GLYATL3: variants seen among roughly 807,000 people sequenced by gnomAD.
GLYATL3 encodes the protein glycine N-acyltransferase-like protein 3.
In GLYATL3, 31 loss-of-function variants were observed where a neutral mutation model predicts 28.5. The observed-to-expected ratio is 1.09, with a 90% CI of 0.82 to 1.47. GLYATL3 has a LOEUF of 1.47. GLYATL3 is among the 40% of genes most tolerant of loss of function. The pLI is 0.00. For synonymous variants in GLYATL3, 141 were observed against 140.2 expected (o/e 1.01, Z -0.04); for missense variants, 369 against 351.5 (o/e 1.05, Z -0.40).
chr6:49,511,831 C>A, intron 1 of GLYATL3, 132 bp from the exon 2 acceptor site: 1 of 483,330 alleles, frequency 2.1e-6, no homozygotes, highest in South Asian at 4.4e-5. Context: ...CCCATCTTCC[C>A]TTTTCCCTCT....
chr6:49,515,936 CCTCTCTCCCTCCCTCTCTCTCTCT>C (rs1769208605), intron 3 of GLYATL3, among the ~76,000 whole-genome samples, 176 bp downstream of exon 3: 1 of 141,100 alleles, frequency 7.1e-6, no homozygotes, highest in Non-Finnish European at 1.6e-5. Flanking sequence ...CCCTCCCCTC[CCTCTCTCCCTCCCTCTCTCTCTCT>C]CTCTCATTCT....
At position 49,508,120 on chromosome 6, in the gene GLYATL3, C is replaced by A. The variant is rs186575433; in HGVS notation, c.-28-3843C>A. ...GACCATCCTGGCTAACATGGTGAAA[C>A]CCCGTCTCTACTAAAAATTTAAAAA... On this transcript the variant is annotated intron_variant, in intron 1 of 5. Coordinates refer to ENST00000371197, the MANE Select transcript of GLYATL3 (RefSeq NM_001010904.2). Among the ~76,000 whole-genome samples, 929 of 152,108 alleles carry A rather than the reference C, an allele frequency of 6.1e-3. 10 individuals carry two copies. The highest frequency in any genetic ancestry group is 0.017 in the Middle Eastern group (5 of 292).
intron 1 of GLYATL3, among the ~76,000 whole-genome samples, chr6:49,508,487 C>T (rs1298257302): frequency 6.6e-6 from 1 of 152,084 alleles, no homozygotes; most frequent in Non-Finnish European, 1.5e-5. Context: ...ATGCCTTAAC[C>T]CTAAAGAGGC....
chr6:49,500,382 A>G (rs914801753), intron 1 of GLYATL3, among the ~76,000 whole-genome samples: 1 of 152,150 alleles, frequency 6.6e-6, no homozygotes, highest in African/African-American at 2.4e-5. Flanking sequence ...AATTACTAGC[A>G]TTGGATTCCA....
At chr6:49,509,271 A>C (rs1769071002) in intron 1 of GLYATL3, among the ~76,000 whole-genome samples, 1 of 152,230 alleles carries the variant, frequency 6.6e-6, no homozygotes, top group Non-Finnish European at 1.5e-5. Flanking sequence ...TCCAAGTAGA[A>C]ATACAGTTAG....
rs957539811 is a variant in GLYATL3 at position 49,527,891 on chromosome 6, A to G, written c.*977A>G. Among the ~76,000 whole-genome samples the G allele has an allele frequency of 6.6e-6, 1 of 152,120 alleles. No homozygotes were observed. The highest frequency in any genetic ancestry group is 2.4e-5 in the African/African-American group (1 of 41,426). Reference sequence around the variant, plus strand: ...TAAGATAATAAATTTTAACCCTTTGATTACATATGAAAAATTTGAGGACCA... The same window carrying G: ...TAAGATAATAAATTTTAACCCTTTGGTTACATATGAAAAATTTGAGGACCA... On this transcript the variant is annotated 3_prime_UTR_variant, in exon 6 of 6. Coordinates refer to ENST00000371197, the MANE Select transcript of GLYATL3 (RefSeq NM_001010904.2).
intron 4 of GLYATL3, 98 bp from the exon 5 acceptor site, chr6:49,521,547 G>A (rs1769316161): frequency 2.1e-6 from 2 of 971,634 alleles, no homozygotes; most frequent in Non-Finnish European, 3.1e-6. Flanking sequence ...CAAACTGCTA[G>A]TATTGATGAT....
At chr6:49,504,240 CTTTT>C (rs59768534) in intron 1 of GLYATL3, among the ~76,000 whole-genome samples, 1 of 139,284 alleles carries the variant, frequency 7.2e-6, no homozygotes. Flanking sequence ...TTTTCTTTTT[CTTTT>C]TTTTTTTTTG....
chr6:49,526,824 C>T lies in GLYATL3; in HGVS notation c.777C>T (p.Leu259=). The T allele has an allele frequency of 1.3e-6, 2 of 1,552,174 alleles. No homozygotes were observed. The change falls in exon 6 of 6, where the codon CTC becomes CTT. Residue 259 remains leucine, a synonymous_variant. Coordinates refer to ENST00000371197, the MANE Select transcript of GLYATL3 (RefSeq NM_001010904.2). ...ATGACAACACGGCGTCTATAAGCCT[C>T]CTGAAGAGTCTCCATGCTGAGTTCT... ...VLDDNTASIS[L]LKSLHAEFLP... is the part of the protein sequence containing the mutation.
At chr6:49,526,341 A>T (rs1312074805) in intron 5 of GLYATL3, 147 bp from the exon 6 acceptor site, 2 of 629,494 alleles carry the variant, frequency 3.2e-6, no homozygotes, top group Non-Finnish European at 5.6e-6. Context: ...TGAACCCGGG[A>T]GGCAGAGGTT....
intron 1 of GLYATL3, among the ~76,000 whole-genome samples, chr6:49,502,771 C>T (rs1047228486): frequency 6.6e-6 from 1 of 152,094 alleles, no homozygotes; most frequent in Non-Finnish European, 1.5e-5. Flanking sequence ...ATTATTACTG[C>T]AATTAATGTA....
rs1561979950 is a variant in GLYATL3 at position 49,521,723 on chromosome 6, AGGCT to A, written c.394_397del (p.Ala132PhefsTer22). 2.6e-6 allele frequency: 4 copies of A among 1,551,448 alleles called. No individual in the cohort carries two copies. In the South Asian group the frequency reaches 4.8e-5, roughly 18 times the overall value. ...TTGAATATAAAGCTAACTTCCTTCA[AGGCT>A]GTTCATTTTTCTCCTGTTTCATCTC... On this transcript the variant is annotated frameshift_variant, in exon 5 of 6. Transcript: ENST00000371197. LOFTEE classifies it high-confidence loss of function.
chr6:49,522,045 A>C (rs1273426968), intron 5 of GLYATL3, among the ~76,000 whole-genome samples: 1 of 152,200 alleles, frequency 6.6e-6, no homozygotes, highest in African/African-American at 2.4e-5. Flanking sequence ...CATAGTATCC[A>C]TGGAAAAAGC....
In GLYATL3 at chr6:49,519,283, G is replaced by T. The variant is rs1271319781; in HGVS notation, c.313+1727G>T. The stretch of plus-strand genomic sequence containing the variant: ...CAGAAGGCTGAGCTGATAGTTGTAA[G>T]TTATAGTCATCTAAATTGACCCAAT... On this transcript the variant is annotated intron_variant, in intron 4 of 5. Coordinates refer to ENST00000371197, the MANE Select transcript of GLYATL3 (RefSeq NM_001010904.2). Among the ~76,000 whole-genome samples the T allele has an allele frequency of 2.0e-5, 3 of 152,292 alleles. No homozygotes were observed. In the South Asian group the frequency reaches 6.2e-4, roughly 32 times the overall value.
At chr6:49,517,727 G>A (rs959705332) in intron 4 of GLYATL3, among the ~76,000 whole-genome samples, 171 bp downstream of exon 4, 19 of 151,800 alleles carry the variant, frequency 1.3e-4, no homozygotes, top group African/African-American at 4.4e-4. Context: ...CTATATTCTA[G>A]TGTTGTAAGA....
In GLYATL3 at chr6:49,527,055, C is replaced by A. The variant is rs1323476029; in HGVS notation, c.*141C>A. The A allele has an allele frequency of 3.2e-6, 2 of 625,998 alleles. No individual in the cohort carries two copies. The highest frequency in any genetic ancestry group is 3.7e-5 in the African/African-American group (2 of 54,570). 38.8% of individuals were successfully genotyped at this position (625,998 alleles called of 1,614,324 possible). A position where few individuals can be genotyped will look rare whatever the true frequency, so the allele number is the denominator to read the frequency against. ...GTCTGGAGAATATATACAGGATCCA[C>A]TTGAGAAGCCTTAATTTTTCGTATC... On this transcript the variant is annotated 3_prime_UTR_variant, in exon 6 of 6. Coordinates refer to ENST00000371197, the MANE Select transcript of GLYATL3 (RefSeq NM_001010904.2).
chr6:49,503,601 A>G (rs1768953608), intron 1 of GLYATL3, among the ~76,000 whole-genome samples: 1 of 152,236 alleles, frequency 6.6e-6, no homozygotes, highest in Admixed American at 6.5e-5. Context: ...CCAATCAACA[A>G]TGGTATAGTG....
chr6:49,501,228 C>G (rs1447775873), intron 1 of GLYATL3, among the ~76,000 whole-genome samples: 1 of 150,630 alleles, frequency 6.6e-6, no homozygotes, highest in Non-Finnish European at 1.5e-5. Flanking sequence ...GGTGAAACCC[C>G]CCATCTCTAC....
intron 5 of GLYATL3, among the ~76,000 whole-genome samples, chr6:49,522,277 C>G (rs187911692): frequency 6.6e-6 from 1 of 152,198 alleles, no homozygotes; most frequent in Non-Finnish European, 1.5e-5. Context: ...CCCCCACACA[C>G]CTTTTTAAAC....
Sources: gnomAD v4.1 joint callset for allele counts (sites outside exome capture counted in the v4.1 genomes callset) on GRCh38, gnomAD v4.1.1 for gene constraint, MANE v1.5 for transcripts, NCBI Gene and HGNC (gene_info 2026-07-23, HGNC 2026-07-21) for gene names.